Variants in RAB33A observed in about 807,000 individuals in gnomAD.
RAB33A encodes the protein RAB33A, member RAS oncogene family.
RAB33A carries 6 observed loss-of-function variants against 12.0 expected under a neutral mutation model. That is an observed-to-expected ratio of 0.50 (90% CI 0.27 to 0.99). The LOEUF (loss-of-function observed/expected upper bound fraction) is 0.99. RAB33A is among the 50% of genes least tolerant of loss of function. The pLI, the probability that RAB33A is intolerant of heterozygous loss-of-function variation, is 0.11. For synonymous variants in RAB33A, 70 were observed against 82.4 expected (o/e 0.85, Z 0.81); for missense variants, 109 against 192.0 (o/e 0.57, Z 2.55).
the RAB33A span, among the ~76,000 whole-genome samples, chrX:130,115,364 G>A: frequency 1.8e-5 from 2 of 112,158 alleles, no homozygotes; most frequent in African/African-American, 6.5e-5. Flanking sequence ...TGTAATCCCA[G>A]CACTTTGGGA....
At chrX:130,110,911 C>T in the RAB33A span, among the ~76,000 whole-genome samples, 2 of 97,347 alleles carry the variant, frequency 2.1e-5, no homozygotes, top group Non-Finnish European at 4.2e-5. Flanking sequence ...ACACACGTCC[C>T]CGCAGGCGGC....
chrX:130,124,178 C>A, the RAB33A span, among the ~76,000 whole-genome samples: 1 of 111,783 alleles, frequency 8.9e-6, no homozygotes, highest in Non-Finnish European at 1.9e-5. Context: ...TTAGGTGACA[C>A]TGATAATCCC....
chrX:130,174,240 A>C (rs1569425999), intron 1 of RAB33A, among the ~76,000 whole-genome samples: 1 of 112,717 alleles, frequency 8.9e-6, no homozygotes, highest in African/African-American at 3.2e-5. Flanking sequence ...GCTCAGCACA[A>C]CACCACGTGC....
At chrX:130,114,399 T>C in the RAB33A span, among the ~76,000 whole-genome samples, 2 of 111,973 alleles carry the variant, frequency 1.8e-5, no homozygotes, top group African/African-American at 6.5e-5. Context: ...ATGACCTTCC[T>C]TGCTGCCCTT....
At chrX:130,111,765 C>T in the RAB33A span, among the ~76,000 whole-genome samples, 3 of 112,342 alleles carry the variant, frequency 2.7e-5, no homozygotes, top group Non-Finnish European at 3.8e-5. Flanking sequence ...GCTCCACGCG[C>T]CCACTTGAAA....
At chrX:130,133,132 C>G in the RAB33A span, among the ~76,000 whole-genome samples, 6 of 111,734 alleles carry the variant, frequency 5.4e-5, no homozygotes, top group South Asian at 2.3e-3. Context: ...TGGTGAAAAA[C>G]TAAACAGGAC....
the RAB33A span, among the ~76,000 whole-genome samples, chrX:130,119,740 T>TC: frequency 9.0e-6 from 1 of 111,541 alleles, no homozygotes; most frequent in Non-Finnish European, 1.9e-5. Flanking sequence ...TCCTTTGGAT[T>TC]CCCCCCGCCC....
At chrX:130,149,828 T>C in the RAB33A span, among the ~76,000 whole-genome samples, 1 of 112,051 alleles carries the variant, frequency 8.9e-6, no homozygotes, top group Non-Finnish European at 1.9e-5. Context: ...ATTCTCCCCA[T>C]ATTTTATTCT....
At chrX:130,118,517 G>A in the RAB33A span, among the ~76,000 whole-genome samples, 1 of 112,826 alleles carries the variant, frequency 8.9e-6, no homozygotes, top group Non-Finnish European at 1.9e-5. Flanking sequence ...TCCCCACCCT[G>A]CCCCCACATC....
the RAB33A span, chrX:130,130,304 C>T: frequency 7.1e-6 from 5 of 703,181 alleles, no homozygotes; most frequent in Admixed American, 1.1e-4. Flanking sequence ...TTCTCTATGC[C>T]CCCTCAGTAA....
At chrX:130,168,924 C>G (rs949152341), upstream of RAB33A, among the ~76,000 whole-genome samples, 1 of 110,041 alleles carries the variant, frequency 9.1e-6, no homozygotes, top group African/African-American at 3.3e-5. Flanking sequence ...GTATCAATTC[C>G]AGGCCGGGCA....
At chrX:130,169,229 C>T (rs1468280922), upstream of RAB33A, among the ~76,000 whole-genome samples, 2 of 106,581 alleles carry the variant, frequency 1.9e-5, no homozygotes, top group Non-Finnish European at 3.9e-5. Context: ...AAAAAAGTAT[C>T]AATTCCAAAG....
At chrX:130,140,448 T>C in the RAB33A span, 2,187 of 795,606 alleles carry the variant, frequency 2.7e-3, 25 homozygotes, top group African/African-American at 0.039. Flanking sequence ...TTTTCTTAAG[T>C]AGTAATGCCT....
the RAB33A span, among the ~76,000 whole-genome samples, chrX:130,115,662 A>AG: frequency 0.15 from 14,418 of 97,480 alleles, 987 homozygotes; most frequent in Non-Finnish European, 0.18. Context: ...AGAAAGAGAG[A>AG]AAGAGAGAGA....
the RAB33A span, among the ~76,000 whole-genome samples, chrX:130,148,277 A>G: frequency 9.0e-6 from 1 of 111,497 alleles, no homozygotes; most frequent in Non-Finnish European, 1.9e-5. Flanking sequence ...AAGGGAGAAA[A>G]TCCAGGAGGT....
chrX:130,130,110 G>A, the RAB33A span: 15 of 1,211,939 alleles, frequency 1.2e-5, no homozygotes, highest in South Asian at 2.6e-4. Flanking sequence ...GTGCTGGGAG[G>A]AATAGTAATT....
At chrX:130,169,585 C>G (rs946226677), upstream of RAB33A, among the ~76,000 whole-genome samples, 1 of 110,986 alleles carries the variant, frequency 9.0e-6, no homozygotes, top group Non-Finnish European at 1.9e-5. Flanking sequence ...TGAATTAATT[C>G]CAAAAAATAT....
the RAB33A span, among the ~76,000 whole-genome samples, chrX:130,113,819 G>A: frequency 9.0e-6 from 1 of 111,675 alleles, no homozygotes; most frequent in Non-Finnish European, 1.9e-5. Context: ...CTATATTTTT[G>A]TACCCATTAA....
At chrX:130,163,138 G>A in the RAB33A span, among the ~76,000 whole-genome samples, 8 of 109,410 alleles carry the variant, frequency 7.3e-5, no homozygotes, top group African/African-American at 1.7e-4. Flanking sequence ...GTGAAACCCC[G>A]TCTCTACTAA....
Sources: allele counts gnomAD v4.1 joint callset (sites outside exome capture counted in the v4.1 genomes callset), GRCh38; gene constraint gnomAD v4.1.1; transcripts MANE v1.5; gene names NCBI Gene and HGNC (gene_info 2026-07-23, HGNC 2026-07-21).